EXOC6B: variants seen among roughly 807,000 people sequenced by gnomAD.
EXOC6B encodes exocyst complex component 6B.
In EXOC6B, 54 loss-of-function variants were observed where a neutral mutation model predicts 113.5. The observed-to-expected ratio is 0.48, with a 90% CI of 0.38 to 0.60. The LOEUF (loss-of-function observed/expected upper bound fraction) is 0.60, where lower values mean the gene tolerates loss of function less well. Among genes scored for constraint, EXOC6B ranks in the 20% least tolerant of loss-of-function variants. The pLI is 0.00. For synonymous variants in EXOC6B, 357 were observed against 339.0 expected (o/e 1.05, Z -0.58); for missense variants, 797 against 977.5 (o/e 0.82, Z 2.46).
chr2:72,441,189 G>A (rs1266353054), intron 18 of EXOC6B, among the ~76,000 whole-genome samples: 1 of 151,984 alleles, frequency 6.6e-6, no homozygotes, highest in Non-Finnish European at 1.5e-5. Context: ...TATTCAATAA[G>A]AAGAACTAAC....
At chr2:72,718,803 G>T (rs770477007) in intron 5 of EXOC6B, among the ~76,000 whole-genome samples, 2 of 152,114 alleles carry the variant, frequency 1.3e-5, no homozygotes, top group African/African-American at 4.8e-5. Context: ...CCAAGATCAC[G>T]CCAGTGCACT....
intron 8 of EXOC6B, among the ~76,000 whole-genome samples, chr2:72,521,566 AT>A (rs1181185141): frequency 6.6e-6 from 1 of 152,196 alleles, no homozygotes; most frequent in African/African-American, 2.4e-5. Context: ...AACAGAGAAA[AT>A]TTTACTTAAA....
intron 20 of EXOC6B, among the ~76,000 whole-genome samples, chr2:72,279,598 G>C (rs1433237236): frequency 1.3e-5 from 2 of 152,072 alleles, no homozygotes; most frequent in African/African-American, 4.8e-5. Flanking sequence ...AGCAGAAAAA[G>C]TGTAGATAAT....
intron 8 of EXOC6B, among the ~76,000 whole-genome samples, chr2:72,530,557 G>T (rs772492892): frequency 6.6e-6 from 1 of 152,114 alleles, no homozygotes; most frequent in African/African-American, 2.4e-5. Context: ...TTCTACTGAT[G>T]TTATGTACAG....
Position 72,676,276 on chromosome 2 carries a change from T to C in EXOC6B, c.669+41827A>G, listed in dbSNP as rs578147568. Among the ~76,000 whole-genome samples, 4 of 152,290 alleles carry C rather than the reference T, an allele frequency of 2.6e-5. No homozygotes were observed. The South Asian group carries it at 6.2e-4, about 24-fold the overall frequency. On this transcript the variant is annotated intron_variant, in intron 6 of 21. Coordinates refer to ENST00000272427, the MANE Select transcript of EXOC6B (RefSeq NM_015189.3). ...AACTCAGAACTTCAACCTTTCAAATTATTTTTTAAAAAGGTTCAAACACTA... is the reference window on the plus strand; with the variant it reads ...AACTCAGAACTTCAACCTTTCAAATCATTTTTTAAAAAGGTTCAAACACTA...
chr2:72,362,465 ATAAT>A (rs1312704411), intron 19 of EXOC6B, among the ~76,000 whole-genome samples: 1 of 152,150 alleles, frequency 6.6e-6, no homozygotes, highest in Non-Finnish European at 1.5e-5. Context: ...AGAAATAATT[ATAAT>A]TAATTATAAT....
At chr2:72,528,079 A>C (rs1701823689) in intron 8 of EXOC6B, among the ~76,000 whole-genome samples, 1 of 151,992 alleles carries the variant, frequency 6.6e-6, no homozygotes, top group Non-Finnish European at 1.5e-5. Flanking sequence ...TTTCTTTTAC[A>C]CTGAAAGAAA....
intron 19 of EXOC6B, among the ~76,000 whole-genome samples, chr2:72,372,778 G>T (rs557048626): frequency 3.9e-5 from 6 of 152,018 alleles, no homozygotes; most frequent in Non-Finnish European, 8.8e-5. Context: ...CTGGGAGGCA[G>T]AATTGCAGTG....
intron 1 of EXOC6B, among the ~76,000 whole-genome samples, chr2:72,818,404 G>T (rs922790516): frequency 6.9e-6 from 1 of 145,314 alleles, no homozygotes; most frequent in Non-Finnish European, 1.5e-5. Flanking sequence ...CTCGTGATCC[G>T]CCCGCCTCGG....
At chr2:72,678,459 C>T (rs1479867162) in intron 6 of EXOC6B, among the ~76,000 whole-genome samples, 1 of 152,212 alleles carries the variant, frequency 6.6e-6, no homozygotes, top group African/African-American at 2.4e-5. Flanking sequence ...ACAATCCCAA[C>T]ACTTTAGGAA....
chr2:72,595,967 TC>T (rs1670057206), intron 6 of EXOC6B, among the ~76,000 whole-genome samples: 1 of 152,146 alleles, frequency 6.6e-6, no homozygotes, highest in South Asian at 2.1e-4. Flanking sequence ...AAAAATCTTA[TC>T]ACCAAGTCAA....
intron 2 of EXOC6B, among the ~76,000 whole-genome samples, chr2:72,737,555 T>C (rs1410931253): frequency 6.6e-6 from 1 of 152,184 alleles, no homozygotes; most frequent in East Asian, 1.9e-4. Context: ...AAACTAAATA[T>C]TTAAAAAGTT....
intron 6 of EXOC6B, among the ~76,000 whole-genome samples, chr2:72,650,292 A>G (rs1389707845): frequency 6.6e-6 from 1 of 152,184 alleles, no homozygotes; most frequent in Admixed American, 6.5e-5. Flanking sequence ...AAAGTTGGGG[A>G]CTGCTGTTTT....
chr2:72,648,321 C>T (rs924104740), intron 6 of EXOC6B, among the ~76,000 whole-genome samples: 4 of 152,216 alleles, frequency 2.6e-5, no homozygotes, highest in Non-Finnish European at 4.4e-5. Context: ...AACGCTTTTA[C>T]ACCGTTGGTG....
intron 6 of EXOC6B, among the ~76,000 whole-genome samples, chr2:72,638,631 C>G (rs549186584): frequency 2.6e-5 from 4 of 152,300 alleles, no homozygotes; most frequent in African/African-American, 9.6e-5. Flanking sequence ...AACCTGTTCT[C>G]ATCATGGGTC....
chr2:72,391,016 C>T (rs1339486591), intron 18 of EXOC6B, among the ~76,000 whole-genome samples: 2 of 152,172 alleles, frequency 1.3e-5, no homozygotes, highest in African/African-American at 4.8e-5. Context: ...ATTTCGTCCC[C>T]AAACTCCAGT....
At chr2:72,646,051 C>T (rs1673683133) in intron 6 of EXOC6B, among the ~76,000 whole-genome samples, 1 of 151,710 alleles carries the variant, frequency 6.6e-6, no homozygotes, top group African/African-American at 2.4e-5. Context: ...ATTAGCAAGA[C>T]AAATAAAGAA....
At chr2:72,354,698 G>T (rs1375919114) in intron 19 of EXOC6B, among the ~76,000 whole-genome samples, 1 of 152,138 alleles carries the variant, frequency 6.6e-6, no homozygotes, top group African/African-American at 2.4e-5. Flanking sequence ...GAGAGTATAG[G>T]GTCCATCATC....
chr2:72,714,884 C>T (rs1225367309), intron 6 of EXOC6B, among the ~76,000 whole-genome samples: 2 of 152,050 alleles, frequency 1.3e-5, no homozygotes, highest in Non-Finnish European at 2.9e-5. Context: ...GGTGTCTGCA[C>T]AGAACCTATT....
Sources: allele counts gnomAD v4.1 joint callset (sites outside exome capture counted in the v4.1 genomes callset), GRCh38; gene constraint gnomAD v4.1.1; transcripts MANE v1.5; gene names NCBI Gene and HGNC (gene_info 2026-07-23, HGNC 2026-07-21).